PREP: variants seen among roughly 807,000 people sequenced by gnomAD.
PREP encodes prolyl endopeptidase.
A neutral mutation model predicts 87.6 loss-of-function variants in PREP; 29 were observed. That is an observed-to-expected ratio of 0.33 (90% CI 0.25 to 0.45). The LOEUF is 0.45. Among genes scored for constraint, PREP ranks in the 20% least tolerant of loss-of-function variants. The probability of loss-of-function intolerance (pLI) is 1.00; values close to 1 mark genes in which losing one functional copy is unlikely to be tolerated. For synonymous variants in PREP, 337 were observed against 328.6 expected, an observed-to-expected ratio of 1.03 and a Z score of -0.28; for missense variants, 695 against 886.5, an observed-to-expected ratio of 0.78 and a Z score of 2.74.
chr6:105,320,422 A>T (rs1162483037), intron 10 of PREP, among the ~76,000 whole-genome samples: 1 of 152,208 alleles, frequency 6.6e-6, no homozygotes, highest in East Asian at 1.9e-4. Context: ...ATGACACCAG[A>T]TCCCTCACCT....
intron 10 of PREP, chr6:105,322,406 T>C (rs1771034659): frequency 1.0e-6 from 1 of 969,852 alleles, no homozygotes; most frequent in African/African-American, 1.8e-5. Flanking sequence ...TACTTTACAG[T>C]TGAAAAAACT....
intron 10 of PREP, among the ~76,000 whole-genome samples, chr6:105,295,110 C>T (rs1206445596): frequency 2.0e-5 from 3 of 151,860 alleles, no homozygotes; most frequent in African/African-American, 7.3e-5. Context: ...CAAAGTCTTC[C>T]ATCTTTTCCC....
chr6:105,399,926 T>A (rs967700174), intron 1 of PREP, among the ~76,000 whole-genome samples: 4 of 152,178 alleles, frequency 2.6e-5, no homozygotes, highest in African/African-American at 9.7e-5. Context: ...TTAAAAAATG[T>A]TCCTGGATTA....
At position 105,276,664 on chromosome 6, in the gene PREP, C is replaced by G. The variant is rs817585; in HGVS notation, c.*1480G>C. Reference sequence around the variant, plus strand: ...CAGAGGAGTTATGGTGAATCTTATACTCAATGACAACTGTATTATGTACCG... The same window carrying G: ...CAGAGGAGTTATGGTGAATCTTATAGTCAATGACAACTGTATTATGTACCG... On this transcript the variant is annotated 3_prime_UTR_variant, in exon 15 of 15. Coordinates refer to ENST00000652536, the MANE Select transcript of PREP (RefSeq NM_002726.5). Among the ~76,000 whole-genome samples the G allele has an allele frequency of 6.6e-6, 1 of 152,198 alleles. No individual in the cohort carries two copies. Among genetic ancestry groups the G allele is most frequent in the Non-Finnish European group, 1.5e-5 (1 of 68,044 alleles).
chr6:105,333,748 C>T (rs189969919), intron 7 of PREP, among the ~76,000 whole-genome samples: 1 of 152,248 alleles, frequency 6.6e-6, no homozygotes. Flanking sequence ...CCATCACCCC[C>T]ACAAGATCTG....
intron 7 of PREP, among the ~76,000 whole-genome samples, chr6:105,344,849 A>G (rs78197828): frequency 6.6e-6 from 1 of 152,248 alleles, no homozygotes; most frequent in African/African-American, 2.4e-5. Context: ...GTAAAAAAAA[A>G]TCATTCAAGC....
intron 10 of PREP, among the ~76,000 whole-genome samples, chr6:105,299,525 G>C (rs915185792): frequency 2.0e-5 from 3 of 152,256 alleles, no homozygotes; most frequent in Admixed American, 2.0e-4. Context: ...CTTGAACCCA[G>C]AAGGCAGAAG....
chr6:105,355,210 C>A (rs1032929990), intron 6 of PREP, among the ~76,000 whole-genome samples: 1 of 151,656 alleles, frequency 6.6e-6, no homozygotes, highest in African/African-American at 2.4e-5. Context: ...CTCAGCCTCC[C>A]GAGTAGCTGG....
Position 105,377,432 on chromosome 6 carries a change from G to A in PREP, c.208C>T (p.Leu70=), listed in dbSNP as rs1772714131. The A allele has an allele frequency of 6.2e-7, 1 of 1,613,632 alleles. No individual in the cohort carries two copies. The highest frequency in any genetic ancestry group is 8.5e-7 in the Non-Finnish European group (1 of 1,179,638). The change falls in exon 3 of 15, where the codon CTA becomes TTA. Residue 70 remains leucine (L), a synonymous_variant. Coordinates refer to ENST00000652536, the MANE Select transcript of PREP (RefSeq NM_002726.5). ...RGLYKERMTE[L]YDYPKYSCHF... ...CAACTATACTTGGGATAATCATATA[G>A]TTCAGTCATTCTCTCTTTGTATAAA... is the stretch of plus-strand genomic sequence containing the variant.
intron 7 of PREP, among the ~76,000 whole-genome samples, chr6:105,335,691 A>T (rs552652472): frequency 6.6e-6 from 1 of 152,228 alleles, no homozygotes; most frequent in East Asian, 1.9e-4. Context: ...GGAGATTAAG[A>T]CCATCCTGGC....
intron 6 of PREP, among the ~76,000 whole-genome samples, chr6:105,366,343 C>T (rs113621717): frequency 6.6e-5 from 10 of 152,292 alleles, no homozygotes; most frequent in East Asian, 1.9e-4. Flanking sequence ...ACAGTGTACA[C>T]AGTGGTTAAG....
At chr6:105,309,117 G>A (rs1190072353) in intron 10 of PREP, among the ~76,000 whole-genome samples, 2 of 152,148 alleles carry the variant, frequency 1.3e-5, no homozygotes, top group African/African-American at 4.8e-5. Context: ...GATGAGTGAG[G>A]GAGAGGGCAG....
chr6:105,301,843 C>A lies in PREP; in HGVS notation c.1318-12949G>T, dbSNP rs1270495218. 2.0e-5 allele frequency among the ~76,000 whole-genome samples: 3 copies of A among 152,226 alleles called. No homozygotes were observed. In the East Asian group the frequency reaches 5.8e-4, roughly 29 times the overall value. On this transcript the variant is annotated intron_variant, in intron 10 of 14. Transcript: ENST00000652536. ...AGAAATTCACCAGCTCTCTAAGGCT[C>A]AGCCATCTGTTTTTTGGAATAATAC...
intron 7 of PREP, among the ~76,000 whole-genome samples, chr6:105,338,044 A>G (rs1248175963): frequency 1.3e-5 from 2 of 152,242 alleles, no homozygotes; most frequent in African/African-American, 2.4e-5. Flanking sequence ...TTTAAGTAAA[A>G]TACTAGCTGG....
intron 10 of PREP, among the ~76,000 whole-genome samples, chr6:105,291,061 T>C (rs1465230034): frequency 6.6e-6 from 1 of 152,202 alleles, no homozygotes; most frequent in Non-Finnish European, 1.5e-5. Flanking sequence ...CTGTAGTCTA[T>C]TAAGTATGCA....
rs1037729265 is a variant in PREP, at chr6:105,328,750, T to C, written c.1213+79A>G. Reference sequence around the variant, plus strand: ...ATATGTGATTTTCAATAACATAGCATTATACTTCCATTTCCCCAAAGAAAC... The same window carrying C: ...ATATGTGATTTTCAATAACATAGCACTATACTTCCATTTCCCCAAAGAAAC... On this transcript the variant is annotated intron_variant, in intron 9 of 14. Transcript: ENST00000652536. 1.6e-5 allele frequency: 23 copies of C among 1,460,270 alleles called. 2 individuals carry two copies. In the Admixed American group the frequency reaches 3.6e-4, roughly 23 times the overall value. 90.5% of individuals were successfully genotyped at this position (1,460,270 alleles called of 1,614,324 possible).
intron 12 of PREP, among the ~76,000 whole-genome samples, chr6:105,283,230 G>GA (rs1284659946): frequency 6.6e-6 from 1 of 152,242 alleles, no homozygotes; most frequent in Non-Finnish European, 1.5e-5. Context: ...ATTCCAGAAT[G>GA]AAAGATCTTC....
At chr6:105,401,172 A>T (rs1486647094) in intron 1 of PREP, among the ~76,000 whole-genome samples, 5 of 152,150 alleles carry the variant, frequency 3.3e-5, no homozygotes, top group Non-Finnish European at 7.3e-5. Context: ...CCTCACTTAA[A>T]CCTTTCATGA....
rs567544675 is a variant in PREP, at chr6:105,325,219, AAAC to A, written c.1214-1454_1214-1452del. Among the ~76,000 whole-genome samples the A allele has an allele frequency of 1.5e-4, 23 of 152,256 alleles. No individual in the cohort carries two copies. In the South Asian group the frequency reaches 4.1e-3, roughly 27 times the overall value. On this transcript the variant is annotated intron_variant, in intron 9 of 14. Coordinates refer to ENST00000652536, the MANE Select transcript of PREP (RefSeq NM_002726.5). ...TCCTTGAAAAAAAGTATAAATAATC[AAAC>A]AACAACAACAAAAAGACAACGTGCA... is the stretch of plus-strand genomic sequence containing the variant.
Sources: allele counts gnomAD v4.1 joint callset (sites outside exome capture counted in the v4.1 genomes callset), GRCh38; gene constraint gnomAD v4.1.1; transcripts MANE v1.5; gene names NCBI Gene and HGNC (gene_info 2026-07-23, HGNC 2026-07-21).